The following CLCA4 variants were observed in gnomAD, a reference collection of about 807,000 sequenced individuals.
The protein encoded by CLCA4 is chloride channel accessory 4, also known as calcium-activated chloride channel regulator 4.
CLCA4 carries 69 observed loss-of-function variants against 78.9 expected under a neutral mutation model. The observed-to-expected ratio is 0.87, with a 90% CI of 0.72 to 1.07. The LOEUF (loss-of-function observed/expected upper bound fraction) is 1.07, where lower values mean the gene tolerates loss of function less well. Ranked by LOEUF, CLCA4 falls within the 50% of genes least tolerant of loss-of-function variation. The pLI is 0.00. For missense variants in CLCA4, 1,133 were observed against 1,095.8 expected (o/e 1.03, Z -0.48); for synonymous variants, 362 against 375.8 (o/e 0.96, Z 0.42).
intron 1 of CLCA4, chr1:86,553,128 C>T (rs1345368920): frequency 3.7e-6 from 3 of 814,722 alleles, no homozygotes; most frequent in South Asian, 1.5e-5. Context: ...CCTGCGTCAT[C>T]TCCTCTTGGA....
intron 1 of CLCA4, among the ~76,000 whole-genome samples, chr1:86,555,669 T>G (rs1263461027): frequency 6.6e-6 from 1 of 152,226 alleles, no homozygotes; most frequent in African/African-American, 2.4e-5. Flanking sequence ...TAAGATTGCC[T>G]TGGCTGTTCA....
chr1:86,554,611 T>G (rs1649776017), intron 1 of CLCA4, among the ~76,000 whole-genome samples: 1 of 152,152 alleles, frequency 6.6e-6, no homozygotes, highest in Non-Finnish European at 1.5e-5. Flanking sequence ...GGCATTTAGG[T>G]TGATTCCATG....
intron 1 of CLCA4, among the ~76,000 whole-genome samples, chr1:86,554,193 T>G (rs541770151): frequency 1.3e-5 from 2 of 152,276 alleles, no homozygotes; most frequent in African/African-American, 2.4e-5. Flanking sequence ...CTCTTCTTTG[T>G]GTTCATGAGT....
At chr1:86,563,634 T>C (rs373444431) in intron 3 of CLCA4, 27 bp from the exon 4 acceptor site, 1 of 1,127,138 alleles carries the variant, frequency 8.9e-7, no homozygotes, top group East Asian at 2.5e-5. Context: ...TGGATTATGA[T>C]CATGTATTTG....
At position 86,569,512 on chromosome 1, in the gene CLCA4, A is replaced by C. The variant is rs1421192851; in HGVS notation, c.1183-1565A>C. 4.6e-5 allele frequency among the ~76,000 whole-genome samples: 7 copies of C among 152,034 alleles called. No individual in the cohort carries two copies. In the East Asian group the frequency reaches 1.4e-3, roughly 29 times the overall value. ...AGGGTTGAAAGTATCGGAGTTTGAT[A>C]ATCAATTTATGTTCCAGGAAGATGA... On this transcript the variant is annotated intron_variant, in intron 7 of 13. Transcript: ENST00000370563.
intron 12 of CLCA4, among the ~76,000 whole-genome samples, chr1:86,578,892 C>T (rs982849429): frequency 6.6e-6 from 1 of 151,978 alleles, no homozygotes; most frequent in African/African-American, 2.4e-5. Flanking sequence ...TGCTAGCTTT[C>T]TTTCATCTGG....
At chr1:86,572,370 A>G (rs1261459643) in intron 8 of CLCA4, among the ~76,000 whole-genome samples, 1 of 152,080 alleles carries the variant, frequency 6.6e-6, no homozygotes, top group Non-Finnish European at 1.5e-5. Flanking sequence ...TTCATATTCT[A>G]TAATTATCAT....
In CLCA4 at chr1:86,565,360, C is replaced by T; in HGVS notation, c.644C>T (p.Thr215Ile). 2 of 1,608,658 alleles carry T rather than the reference C, an allele frequency of 1.2e-6. No individual in the cohort carries two copies. The highest frequency in any genetic ancestry group is 1.1e-5 in the South Asian group (1 of 90,756). ...AGTAGAGCATGCAGAATTGATTCTA[C>T]AACAAAACTGTATGGAAAAGATTGT... ...CLSRACRIDS[T>I]TKLYGKDCQF... The change falls in exon 5 of 14, where the codon ACA (threonine) becomes ATA (isoleucine). Residue 215 changes from threonine to isoleucine, a missense_variant. Physicochemically the swap from Thr to Ile is moderately conservative, Grantham distance 89. Transcript: ENST00000370563.
chr1:86,576,424 C>G (rs1650524250), intron 11 of CLCA4, among the ~76,000 whole-genome samples: 1 of 152,024 alleles, frequency 6.6e-6, no homozygotes, highest in African/African-American at 2.4e-5. Context: ...CTTAAGCCAC[C>G]CTCCCACCCC....
chr1:86,563,411 T>C (rs947523180), intron 3 of CLCA4, among the ~76,000 whole-genome samples: 2 of 151,810 alleles, frequency 1.3e-5, no homozygotes, highest in Non-Finnish European at 2.9e-5. Flanking sequence ...ACTCAGCCCA[T>C]AGCATATCCT....
At position 86,580,118 on chromosome 1, in the gene CLCA4, A is replaced by G; in HGVS notation, c.2533A>G (p.Ile845Val). ...AAATGCAACCCACATATTTATTGCC[A>G]TTAAAAGTATAGATAAAAGCAATTT... ...EENATHIFIA[I>V]KSIDKSNLTS... Residue 845 changes from isoleucine (I) to valine (V), a missense_variant, in exon 14 of 14, where the codon ATT becomes GTT. By Grantham distance (29) the Ile-to-Val change is conservative (BLOSUM62 3). Coordinates refer to ENST00000370563, the MANE Select transcript of CLCA4 (RefSeq NM_012128.4). 6.2e-7 allele frequency: 1 copy of G among 1,612,836 alleles called. No homozygotes were observed. The highest frequency in any genetic ancestry group is 8.5e-7 in the Non-Finnish European group (1 of 1,179,352).
At chr1:86,572,390 C>T (rs2101813612) in intron 8 of CLCA4, among the ~76,000 whole-genome samples, 1 of 152,076 alleles carries the variant, frequency 6.6e-6, no homozygotes, top group South Asian at 2.1e-4. Context: ...TGCATTTTAG[C>T]TAGCTAAGAT....
intron 1 of CLCA4, among the ~76,000 whole-genome samples, chr1:86,557,362 C>G (rs188884718): frequency 6.6e-6 from 1 of 152,064 alleles, no homozygotes; most frequent in Non-Finnish European, 1.5e-5. Context: ...ATAAATTTCC[C>G]TCTTAAAACT....
intron 11 of CLCA4, 125 bp from the exon 12 acceptor site, chr1:86,577,777 T>G: frequency 1.4e-6 from 1 of 696,092 alleles, no homozygotes; most frequent in Non-Finnish European, 2.4e-6. Context: ...GGAAATATTC[T>G]CCAAAGGGTC....
chr1:86,574,572 TGCC>T lies in CLCA4; in HGVS notation c.1501_1503del (p.Ala501del). The T allele has an allele frequency of 1.2e-5, 19 of 1,613,192 alleles. No individual in the cohort carries two copies. The highest frequency in any genetic ancestry group is 1.6e-5 in the Non-Finnish European group (19 of 1,179,398). ...GTAAGGGATTAACACTGAATAGTAA[TGCC>T]TGGATGAACGACACTGTCATAATTG... is the stretch of plus-strand genomic sequence containing the variant. On this transcript the variant is annotated inframe_deletion, in exon 10 of 14. Transcript: ENST00000370563.
Position 86,570,741 on chromosome 1 carries a change from A to T in CLCA4, c.1183-336A>T, listed in dbSNP as rs113015150. Among the ~76,000 whole-genome samples, 1,430 of 152,164 alleles carry T rather than the reference A, an allele frequency of 9.4e-3. 29 individuals are homozygous for T. The highest frequency in any genetic ancestry group is 0.033 in the African/African-American group (1,362 of 41,554). ...TCCAGTCAAAGAAAACATAACACTA[A>T]TTAATGTCACATACTGTGATTATAC... On this transcript the variant is annotated intron_variant, in intron 7 of 13. Transcript: ENST00000370563.
chr1:86,573,456 T>A (rs1010512634), intron 9 of CLCA4, among the ~76,000 whole-genome samples: 9 of 152,030 alleles, frequency 5.9e-5, no homozygotes, highest in Admixed American at 3.3e-4. Context: ...CATGTCTATG[T>A]CATGTCACTT....
At chr1:86,574,824 T>A in intron 10 of CLCA4, 69 bp downstream of exon 10, 1 of 1,121,790 alleles carries the variant, frequency 8.9e-7, no homozygotes, top group South Asian at 1.3e-5. Context: ...TTTAATGTCA[T>A]AAATGTCAGT....
Position 86,565,986 on chromosome 1 carries a change from T to C in CLCA4, c.920T>C (p.Val307Ala). ...TTGCTGAAGATCAGTCAAAGAATTG[T>C]GTGCTTAGTTCTTGATAAGTCTGGA... ...FSLLKISQRIVCLVLDKSGSM... is the reference protein window; with the variant it reads ...FSLLKISQRIACLVLDKSGSM... The change falls in exon 6 of 14, where the codon GTG (valine) becomes GCG (alanine). Residue 307 changes from valine (V) to alanine (A), a missense_variant. Val to Ala is a moderately conservative substitution (Grantham distance 64). Coordinates refer to ENST00000370563, the MANE Select transcript of CLCA4 (RefSeq NM_012128.4). 1 of 1,613,112 alleles carries C rather than the reference T, an allele frequency of 6.2e-7. No homozygotes were observed. Among genetic ancestry groups the C allele is most frequent in the Non-Finnish European group, 8.5e-7 (1 of 1,179,258 alleles).
Sources: allele counts gnomAD v4.1 joint callset (sites outside exome capture counted in the v4.1 genomes callset), GRCh38; gene constraint gnomAD v4.1.1; transcripts MANE v1.5; gene names NCBI Gene and HGNC (gene_info 2026-07-23, HGNC 2026-07-21).